The following GNG7 variants were observed in gnomAD, a reference collection of about 807,000 sequenced individuals.
GNG7 encodes the protein G protein subunit gamma 7.
GNG7 carries 1 observed loss-of-function variant against 4.0 expected under a neutral mutation model. That is an observed-to-expected ratio of 0.25 (90% confidence interval 0.09 to 1.18). GNG7 has a LOEUF of 1.18. Ranked by LOEUF, GNG7 falls within the 50% of genes most tolerant of loss-of-function variation. GNG7 has a pLI of 0.50. For missense variants in GNG7, 86 were observed against 91.9 expected, an observed-to-expected ratio of 0.94 and a Z score of 0.26; for synonymous variants, 34 against 36.9, an observed-to-expected ratio of 0.92 and a Z score of 0.29.
chr19:2,539,358 T>G (rs971712061), intron 3 of GNG7, among the ~76,000 whole-genome samples: 5 of 149,774 alleles, frequency 3.3e-5, no homozygotes, highest in African/African-American at 1.2e-4. Context: ...CAGGCTGGAG[T>G]ACAAAGGCGT....
chr19:2,528,281 A>AG (rs904493628), intron 3 of GNG7, among the ~76,000 whole-genome samples: 1 of 149,994 alleles, frequency 6.7e-6, no homozygotes, highest in Non-Finnish European at 1.5e-5. Context: ...AAAAAAAAAA[A>AG]AAAAAAAAAG....
At chr19:2,527,137 C>T (rs1978431420) in intron 3 of GNG7, among the ~76,000 whole-genome samples, 1 of 152,236 alleles carries the variant, frequency 6.6e-6, no homozygotes, top group South Asian at 2.1e-4. Context: ...AGCCACTGCT[C>T]CCGGCCCTAT....
At chr19:2,624,552 AG>A (rs1363942480) in intron 2 of GNG7, among the ~76,000 whole-genome samples, 2 of 151,612 alleles carry the variant, frequency 1.3e-5, no homozygotes, top group Non-Finnish European at 2.9e-5. Flanking sequence ...AAAAAGAAAA[AG>A]AAAAAAAGAA....
chr19:2,511,240 T>C lies in GNG7; in HGVS notation c.*3782A>G, dbSNP rs932996799. ...GGAGAAAAGGGAGAGTGAGGCTTTT[T>C]ATTGTGTATGAATTCACGTGGTATC... is the stretch of plus-strand genomic sequence containing the variant. On this transcript the variant is annotated 3_prime_UTR_variant, in exon 5 of 5. Transcript: ENST00000382159. This position sits in a 1 kb window ranked among gnomAD's most constrained non-coding sequence, Gnocchi z 6.3. 6.6e-6 allele frequency: 1 copy of C among 152,256 alleles called. No individual in the cohort carries two copies. The highest frequency in any genetic ancestry group is 2.4e-5 in the African/African-American group (1 of 41,462). The allele number at this position is 152,256 out of a possible 1,614,324, so 9.4% of individuals were successfully genotyped here.
At chr19:2,550,067 G>A (rs900287545) in intron 3 of GNG7, among the ~76,000 whole-genome samples, 1 of 152,230 alleles carries the variant, frequency 6.6e-6, no homozygotes, top group Non-Finnish European at 1.5e-5. Context: ...AGGGAAATGT[G>A]GCTGCCTTGG....
At chr19:2,624,938 C>T (rs1188220404) in intron 2 of GNG7, among the ~76,000 whole-genome samples, 1 of 152,242 alleles carries the variant, frequency 6.6e-6, no homozygotes, top group East Asian at 1.9e-4. Context: ...GGCACAGAAG[C>T]CATCTCCTGG....
chr19:2,692,201 T>C (rs1039225972), intron 1 of GNG7, among the ~76,000 whole-genome samples: 2 of 151,708 alleles, frequency 1.3e-5, no homozygotes, highest in Non-Finnish European at 2.9e-5. Flanking sequence ...CAGGCCTTAC[T>C]TTCCGACCAC....
intron 2 of GNG7, among the ~76,000 whole-genome samples, chr19:2,565,416 G>A (rs1979871807): frequency 6.6e-6 from 1 of 151,878 alleles, no homozygotes; most frequent in African/African-American, 2.4e-5. Flanking sequence ...GGAGACTGAG[G>A]CAAGAGAATC....
rs7254686 is a variant in GNG7 at position 2,611,715 on chromosome 19, A to C, written c.-78+34509T>G. On this transcript the variant is annotated intron_variant, in intron 2 of 4. Transcript: ENST00000382159. This position sits in a 1 kb window ranked among gnomAD's most constrained non-coding sequence, Gnocchi z 6.0. ...GCCGGGCATGCTGGCGGGCGCCTGT[A>C]ATCCCATCTACTCAGGAGACCGAGG... is the stretch of plus-strand genomic sequence containing the variant. The C allele has an allele frequency of 1.3e-5, 2 of 152,114 alleles. No homozygotes were observed. Among genetic ancestry groups the C allele is most frequent in the Non-Finnish European group, 2.9e-5 (2 of 68,032 alleles). 9.4% of individuals were successfully genotyped at this position (152,114 alleles called of 1,614,324 possible).
At chr19:2,658,919 G>T (rs563194205) in intron 1 of GNG7, among the ~76,000 whole-genome samples, 2 of 152,148 alleles carry the variant, frequency 1.3e-5, no homozygotes, top group East Asian at 3.9e-4. Flanking sequence ...TCTATTAAAA[G>T]GGGGACTTGA....
rs1318177646 is a variant in GNG7, at chr19:2,614,137, C to T, written c.-78+32087G>A. ...CACATCCTCACCACCCGGTGAACGG[C>T]ACTGGGAGCAGACTCAAGAGGCTCG... On this transcript the variant is annotated intron_variant, in intron 2 of 4. Coordinates refer to ENST00000382159, the MANE Select transcript of GNG7 (RefSeq NM_052847.3). The surrounding 1 kb of genome is among the most constrained non-coding windows in gnomAD (Gnocchi z 6.0). Among the ~76,000 whole-genome samples the T allele has an allele frequency of 6.6e-6, 1 of 152,222 alleles. No individual in the cohort carries two copies. The highest frequency in any genetic ancestry group is 2.4e-5 in the African/African-American group (1 of 41,450).
chr19:2,676,178 G>A (rs1240830183), intron 1 of GNG7, among the ~76,000 whole-genome samples: 2 of 152,202 alleles, frequency 1.3e-5, no homozygotes, highest in Admixed American at 6.5e-5. Flanking sequence ...TTCTGGGCCG[G>A]GAACGGCCCT....
chr19:2,679,598 T>G (rs1036362517), intron 1 of GNG7, among the ~76,000 whole-genome samples: 2 of 152,144 alleles, frequency 1.3e-5, no homozygotes, highest in Admixed American at 1.3e-4. Flanking sequence ...ATCCAATGCC[T>G]CACCATGCCT....
Position 2,609,207 on chromosome 19 carries a change from G to A in GNG7, c.-78+37017C>T, listed in dbSNP as rs1042883515. On this transcript the variant is annotated intron_variant, in intron 2 of 4. Coordinates refer to ENST00000382159, the MANE Select transcript of GNG7 (RefSeq NM_052847.3). The surrounding 1 kb of genome is among the most constrained non-coding windows in gnomAD (Gnocchi z 4.4). ...ACACCTGGCTAATTTTTAATTTTTC[G>A]TAGAGATGGGGGTCTCACTATGTTG... 1.3e-4 allele frequency among the ~76,000 whole-genome samples: 19 copies of A among 151,874 alleles called. No homozygotes were observed. The highest frequency in any genetic ancestry group is 2.1e-4 in the South Asian group (1 of 4,822).
Position 2,520,596 on chromosome 19 carries a change from C to G in GNG7, c.81+12G>C, listed in dbSNP as rs763152930. On this transcript the variant is annotated intron_variant, in intron 4 of 4. Coordinates refer to ENST00000382159, the MANE Select transcript of GNG7 (RefSeq NM_052847.3). ...TCTCTCCCCTCCTCTTCCTGATGCC[C>G]GCTGGGCTCACCTTGATGCGCTCAA... 6.7e-7 allele frequency: 1 copy of G among 1,498,432 alleles called. No individual in the cohort carries two copies. The highest frequency in any genetic ancestry group is 1.2e-5 in the South Asian group (1 of 83,084). 92.8% of individuals were successfully genotyped at this position (1,498,432 alleles called of 1,614,324 possible).
At chr19:2,697,788 C>T (rs1047587798) in intron 1 of GNG7, among the ~76,000 whole-genome samples, 36 of 119,524 alleles carry the variant, frequency 3.0e-4, no homozygotes, top group African/African-American at 1.9e-3. Context: ...GGGCCCCGTC[C>T]CCCCCCCCGC....
chr19:2,589,740 C>T (rs757384562), intron 2 of GNG7, among the ~76,000 whole-genome samples: 2 of 152,272 alleles, frequency 1.3e-5, no homozygotes, highest in East Asian at 1.9e-4. Context: ...CGCACTACAA[C>T]GTGGATGAAC....
intron 2 of GNG7, among the ~76,000 whole-genome samples, chr19:2,565,719 C>T (rs1455685962): frequency 6.6e-6 from 1 of 152,142 alleles, no homozygotes; most frequent in Non-Finnish European, 1.5e-5. Flanking sequence ...GGGCACAGGG[C>T]AGTTGAGACT....
intron 3 of GNG7, among the ~76,000 whole-genome samples, chr19:2,523,362 G>A (rs1375292545): frequency 6.6e-6 from 1 of 151,804 alleles, no homozygotes; most frequent in Admixed American, 6.6e-5. Flanking sequence ...GGCCAGCCTA[G>A]GCAACATAGC....
Sources: allele counts gnomAD v4.1 joint callset (sites outside exome capture counted in the v4.1 genomes callset), GRCh38; gene constraint gnomAD v4.1.1; non-coding constraint Gnocchi (gnomAD v3.1); transcripts MANE v1.5; gene names NCBI Gene and HGNC (gene_info 2026-07-23, HGNC 2026-07-21).